Variants in DPP6 observed in about 807,000 individuals in gnomAD.
DPP6 encodes dipeptidyl peptidase like 6.
DPP6 carries 69 observed loss-of-function variants against 122.6 expected under a neutral mutation model. The ratio of observed to expected loss-of-function variants is 0.56; its 90% CI spans 0.46 to 0.69. DPP6 has a LOEUF of 0.69. Among genes scored for constraint, DPP6 ranks in the 30% least tolerant of loss-of-function variants. DPP6 has a pLI of 0.00. For synonymous variants in DPP6, 418 were observed against 433.1 expected, an observed-to-expected ratio of 0.97 and a Z score of 0.43; for missense variants, 928 against 1,116.9, an observed-to-expected ratio of 0.83 and a Z score of 2.41.
the DPP6 span, among the ~76,000 whole-genome samples, chr7:153,870,812 G>A: frequency 3.9e-5 from 6 of 152,172 alleles, no homozygotes; most frequent in Non-Finnish European, 7.3e-5. Flanking sequence ...TGATGGTGAC[G>A]TACAGATGGG....
chr7:154,326,485 G>T (rs1318676156), intron 1 of DPP6, among the ~76,000 whole-genome samples: 1 of 152,160 alleles, frequency 6.6e-6, no homozygotes, highest in Non-Finnish European at 1.5e-5. Context: ...AATGCGATAT[G>T]AATATGATAT....
intron 1 of DPP6, among the ~76,000 whole-genome samples, chr7:154,355,966 T>C (rs1340189804): frequency 6.6e-6 from 1 of 152,206 alleles, no homozygotes; most frequent in Non-Finnish European, 1.5e-5. Context: ...AATCCATGAA[T>C]GTGATGTACT....
intron 1 of DPP6, among the ~76,000 whole-genome samples, chr7:154,242,300 A>C (rs1801671227): frequency 6.6e-6 from 1 of 152,212 alleles, no homozygotes; most frequent in Non-Finnish European, 1.5e-5. Flanking sequence ...ATAAATAACT[A>C]ATAGTGTGAA....
chr7:154,165,661 A>G (rs1473271536), intron 1 of DPP6, among the ~76,000 whole-genome samples: 1 of 151,812 alleles, frequency 6.6e-6, no homozygotes, highest in Non-Finnish European at 1.5e-5. Context: ...CATCCTCTCC[A>G]TCACCTGTTG....
At chr7:153,993,505 A>G (rs1424027698) in intron 1 of DPP6, among the ~76,000 whole-genome samples, 42 of 152,232 alleles carry the variant, frequency 2.8e-4, no homozygotes, top group Admixed American at 1.3e-4. Flanking sequence ...TGATGTATCA[A>G]CCTCGGCAGC....
intron 5 of DPP6, among the ~76,000 whole-genome samples, chr7:154,604,456 C>A (rs1175753565): frequency 8.3e-6 from 1 of 119,904 alleles, no homozygotes; most frequent in African/African-American, 2.6e-5. Context: ...TATTAAAAAT[C>A]CTATTGAAAT....
chr7:154,338,030 C>A (rs1339411145), intron 1 of DPP6, among the ~76,000 whole-genome samples: 3 of 152,222 alleles, frequency 2.0e-5, no homozygotes, highest in Non-Finnish European at 2.9e-5. Flanking sequence ...TCTGTCTTGC[C>A]TTCTCGCAGA....
chr7:154,546,480 C>T (rs1021353800), intron 4 of DPP6, among the ~76,000 whole-genome samples: 11 of 129,488 alleles, frequency 8.5e-5, no homozygotes, highest in Admixed American at 7.6e-5. Context: ...GAAAATAAGT[C>T]GATTATTTAA....
chr7:154,175,029 C>T (rs557162642), intron 1 of DPP6, among the ~76,000 whole-genome samples: 4 of 151,888 alleles, frequency 2.6e-5, no homozygotes, highest in South Asian at 2.1e-4. Context: ...CCCTGCAACA[C>T]GCGCCCCCCA....
At chr7:153,797,699 C>G in the DPP6 span, among the ~76,000 whole-genome samples, 1 of 152,138 alleles carries the variant, frequency 6.6e-6, no homozygotes, top group African/African-American at 2.4e-5. Flanking sequence ...TCCCACAGTT[C>G]TGGAAGCTGG....
At chr7:154,194,561 G>C (rs888851027) in intron 1 of DPP6, among the ~76,000 whole-genome samples, 1 of 152,200 alleles carries the variant, frequency 6.6e-6, no homozygotes, top group Non-Finnish European at 1.5e-5. Context: ...CAGGCAGCCA[G>C]AGATGCCCTT....
At chr7:154,031,299 A>G (rs1006763430) in intron 1 of DPP6, among the ~76,000 whole-genome samples, 46 of 147,776 alleles carry the variant, frequency 3.1e-4, no homozygotes, top group African/African-American at 1.1e-3. Context: ...CCTCCCTAAC[A>G]CCTTAGCCCC....
intron 1 of DPP6, among the ~76,000 whole-genome samples, chr7:153,902,471 C>G (rs1262857523): frequency 1.3e-5 from 2 of 152,040 alleles, no homozygotes; most frequent in African/African-American, 2.4e-5. Context: ...GGAACAAGAT[C>G]CCCGGGTCAT....
the DPP6 span, among the ~76,000 whole-genome samples, chr7:153,781,788 T>C: frequency 3.9e-4 from 59 of 152,064 alleles, no homozygotes; most frequent in African/African-American, 1.3e-3. Context: ...CATTCCTTTA[T>C]ATAGAAAAAG....
Position 154,600,408 on chromosome 7 carries a change from C to T in DPP6, c.627+33492C>T, listed in dbSNP as rs759227750. Among the ~76,000 whole-genome samples, 10 of 121,142 alleles carry T rather than the reference C, an allele frequency of 8.3e-5. 4 individuals are homozygous for T. The South Asian group carries it at 1.4e-3, about 17-fold the overall frequency. 79.5% of individuals were successfully genotyped at this position (121,142 alleles called of 152,430 possible). On this transcript the variant is annotated intron_variant, in intron 5 of 25. Transcript: ENST00000377770. ...CCTCCGAAAGAGCTGGGATTACAGG[C>T]GTGAGCCACCATGCCCGGCCCTTTT...
At chr7:154,111,079 C>G (rs71532625) in intron 1 of DPP6, among the ~76,000 whole-genome samples, 1 of 152,192 alleles carries the variant, frequency 6.6e-6, no homozygotes, top group Non-Finnish European at 1.5e-5. Flanking sequence ...GCCTAAAAAT[C>G]CATCCTTTCA....
intron 7 of DPP6, among the ~76,000 whole-genome samples, chr7:154,715,159 C>G (rs1431404476): frequency 6.6e-6 from 1 of 152,260 alleles, no homozygotes; most frequent in African/African-American, 2.4e-5. Context: ...CTCTGCCTCC[C>G]AGGTTCAAGT....
intron 5 of DPP6, among the ~76,000 whole-genome samples, chr7:154,634,957 G>A (rs1835648711): frequency 6.6e-6 from 1 of 152,106 alleles, no homozygotes; most frequent in Non-Finnish European, 1.5e-5. Flanking sequence ...CAGGAAAGAT[G>A]GCAGCTATTC....
chr7:154,804,808 G>A, intron 14 of DPP6, 109 bp from the exon 15 acceptor site: 4 of 1,482,356 alleles, frequency 2.7e-6, no homozygotes, highest in Non-Finnish European at 3.7e-6. Flanking sequence ...CTCCCTGCAG[G>A]CCATGGGCGG....
Sources: allele counts gnomAD v4.1 joint callset (sites outside exome capture counted in the v4.1 genomes callset), GRCh38; gene constraint gnomAD v4.1.1; transcripts MANE v1.5; gene names NCBI Gene and HGNC (gene_info 2026-07-23, HGNC 2026-07-21).